Variants in GNAI2 observed in about 807,000 individuals in gnomAD.
GNAI2 encodes the protein G protein subunit alpha i2.
In GNAI2, 4 loss-of-function variants were observed where a neutral mutation model predicts 36.8. That is an observed-to-expected ratio of 0.11 (90% CI 0.05 to 0.25). GNAI2 has a LOEUF of 0.25. GNAI2 is among the 10% of genes least tolerant of loss of function. The pLI is 1.00. For missense variants in GNAI2, 230 were observed against 481.3 expected, an observed-to-expected ratio of 0.48 and a Z score of 4.89; for synonymous variants, 194 against 194.1, an observed-to-expected ratio of 1.00 and a Z score of 0.01.
rs146259462 is a variant in GNAI2 at position 50,253,062 on chromosome 3, C to T, written c.342C>T (p.Ala114=). 4.7e-5 allele frequency: 75 copies of T among 1,611,648 alleles called. No individual in the cohort carries two copies. The African/African-American group carries it at 6.4e-4, about 14-fold the overall frequency. ...ARQLFALSCT[A]EEQGVLPDDL... ...AGCTATTTGCACTGTCCTGCACCGC[C>T]GAGGAGCAAGGCGTGCTCCCTGATG... is the stretch of plus-strand genomic sequence containing the variant. The change falls in exon 4 of 9, where the codon GCC becomes GCT. Residue 114 remains alanine, a synonymous_variant. Coordinates refer to ENST00000313601, the MANE Select transcript of GNAI2 (RefSeq NM_002070.4). This position sits in a 1 kb window ranked among gnomAD's most constrained non-coding sequence, Gnocchi z 4.2.
intron 1 of GNAI2, among the ~76,000 whole-genome samples, chr3:50,251,030 C>G (rs9836046): frequency 6.6e-6 from 1 of 152,084 alleles, no homozygotes; most frequent in East Asian, 1.9e-4. Flanking sequence ...AGGCTGGTCT[C>G]GAACTCCTGA....
chr3:50,242,816 G>C lies in GNAI2; in HGVS notation c.118+6363G>C, dbSNP rs1200800730. Among the ~76,000 whole-genome samples, 2 of 152,240 alleles carry C rather than the reference G, an allele frequency of 1.3e-5. No individual in the cohort carries two copies. Among genetic ancestry groups the C allele is most frequent in the African/African-American group, 4.8e-5 (2 of 41,458 alleles). On this transcript the variant is annotated intron_variant, in intron 1 of 8. Coordinates refer to ENST00000313601, the MANE Select transcript of GNAI2 (RefSeq NM_002070.4). This position sits in a 1 kb window ranked among gnomAD's most constrained non-coding sequence, Gnocchi z 4.8. ...GTCATCTCAGCCTTGTTGGGGAGAA[G>C]ATATCCTTATGGCTTGGAGGAATCT...
intron 5 of GNAI2, 55 bp from the exon 6 acceptor site, chr3:50,256,668 G>A (rs1203350975): frequency 6.3e-6 from 10 of 1,597,530 alleles, no homozygotes; most frequent in African/African-American, 1.3e-5. Flanking sequence ...GAGAAATGGG[G>A]TAGAAAGCCT....
Position 50,236,302 on chromosome 3 carries a change from G to GGGCCGGGCGGC in GNAI2, c.-25_-15dup. The GGGCCGGGCGGC allele has an allele frequency of 7.5e-7, 1 of 1,334,078 alleles. No individual in the cohort carries two copies. The highest frequency in any genetic ancestry group is 9.6e-7 in the Non-Finnish European group (1 of 1,044,016). 82.6% of individuals were successfully genotyped at this position (1,334,078 alleles called of 1,614,324 possible). Reference sequence around the variant, plus strand: ...CCGAGCCGGGCCGTGGGCCGTGTGGGGGCCGGGCGGCGGCCGGGCCGGCGG... The same window carrying GGGCCGGGCGGC: ...CCGAGCCGGGCCGTGGGCCGTGTGGGGGCCGGGCGGCGGCCGGGCGGCGGCCGGGCCGGCGG... On this transcript the variant is annotated 5_prime_UTR_variant, in exon 1 of 9. Transcript: ENST00000313601. This position sits in a 1 kb window ranked among gnomAD's most constrained non-coding sequence, Gnocchi z 4.0.
In GNAI2 at chr3:50,242,708, G is replaced by A. The variant is rs1304481359; in HGVS notation, c.118+6255G>A. The stretch of plus-strand genomic sequence containing the variant: ...GAATAACCAAACATTTGCTGGGCTG[G>A]TTCTTCTGTGCCGGCCTCTGTGCAC... On this transcript the variant is annotated intron_variant, in intron 1 of 8. Coordinates refer to ENST00000313601, the MANE Select transcript of GNAI2 (RefSeq NM_002070.4). This position sits in a 1 kb window ranked among gnomAD's most constrained non-coding sequence, Gnocchi z 4.8. Among the ~76,000 whole-genome samples, 1 of 152,200 alleles carries A rather than the reference G, an allele frequency of 6.6e-6. No individual in the cohort carries two copies. Among genetic ancestry groups the A allele is most frequent in the Non-Finnish European group, 1.5e-5 (1 of 68,028 alleles).
At chr3:50,237,154 C>T (rs1313434795) in intron 1 of GNAI2, among the ~76,000 whole-genome samples, 1 of 152,250 alleles carries the variant, frequency 6.6e-6, no homozygotes, top group African/African-American at 2.4e-5. Context: ...TCCCCAGATC[C>T]CTCCACCCTT....
rs942925725 is a variant in GNAI2 at position 50,253,560 on chromosome 3, C to T, written c.464+376C>T. Among the ~76,000 whole-genome samples, 2 of 151,972 alleles carry T rather than the reference C, an allele frequency of 1.3e-5. No homozygotes were observed. The highest frequency in any genetic ancestry group is 4.8e-5 in the African/African-American group (2 of 41,366). ...GAGATCGAGACCATCCTGGCTAACA[C>T]GGTGAAACCCCGTCTCTACTAAAAA... On this transcript the variant is annotated intron_variant, in intron 4 of 8. Coordinates refer to ENST00000313601, the MANE Select transcript of GNAI2 (RefSeq NM_002070.4). The surrounding 1 kb of genome is among the most constrained non-coding windows in gnomAD (Gnocchi z 4.2).
exon 1 of GNAI2, chr3:50,230,903 TGAAGAAACTGA>T: frequency 2.0e-6 from 2 of 985,354 alleles, no homozygotes; most frequent in Non-Finnish European, 2.4e-6. Context: ...TTCCTGAGTA[TGAAGAAACTGA>T]GATGCCCACG....
In GNAI2 at chr3:50,236,586, G is replaced by A; in HGVS notation, c.118+133G>A. The A allele has an allele frequency of 2.3e-6, 3 of 1,292,812 alleles. No homozygotes were observed. The Admixed American group carries it at 1.1e-4, about 47-fold the overall frequency. The allele number at this position is 1,292,812 out of a possible 1,614,324, so 80.1% of individuals were successfully genotyped here. Reference sequence around the variant, plus strand: ...GGACCCCACACCTGGGCCAGGACCAGGGTTGAAAACTCTAGATTGGACTAG... The same window carrying A: ...GGACCCCACACCTGGGCCAGGACCAAGGTTGAAAACTCTAGATTGGACTAG... On this transcript the variant is annotated intron_variant, in intron 1 of 8. Transcript: ENST00000313601. The surrounding 1 kb of genome is among the most constrained non-coding windows in gnomAD (Gnocchi z 4.0).
rs587670723 is a variant in GNAI2 at position 50,256,689 on chromosome 3, C to T, written c.594-34C>T. 1.1e-4 allele frequency: 171 copies of T among 1,608,342 alleles called. 5 individuals carry two copies. In the South Asian group the frequency reaches 1.8e-3, roughly 17 times the overall value. ...TGGGGTAGAAAGCCTCCCCCAGGCT[C>T]CCTTCCTGGAACTAAGGTGATCTAT... On this transcript the variant is annotated intron_variant, in intron 5 of 8. Coordinates refer to ENST00000313601, the MANE Select transcript of GNAI2 (RefSeq NM_002070.4).
rs887203280 is a variant in GNAI2, at chr3:50,253,447, T to C, written c.464+263T>C. ...TGAGTCTGATCTGTCTTGACAGTCT[T>C]CTAAAGAACATTTGCGGCCGGGCGT... On this transcript the variant is annotated intron_variant, in intron 4 of 8. Coordinates refer to ENST00000313601, the MANE Select transcript of GNAI2 (RefSeq NM_002070.4). This position sits in a 1 kb window ranked among gnomAD's most constrained non-coding sequence, Gnocchi z 4.2. Among the ~76,000 whole-genome samples the C allele has an allele frequency of 1.3e-5, 2 of 152,182 alleles. No homozygotes were observed. The highest frequency in any genetic ancestry group is 4.8e-5 in the African/African-American group (2 of 41,438).
chr3:50,240,574 G>A (rs115425584), intron 1 of GNAI2, among the ~76,000 whole-genome samples: 2,332 of 152,246 alleles, frequency 0.015, 25 homozygotes, highest in Non-Finnish European at 0.022. Context: ...GTGCCTCCCT[G>A]CAGCCACAGG....
At chr3:50,232,752 A>C (rs587627590), upstream of GNAI2, among the ~76,000 whole-genome samples, 3 of 152,068 alleles carry the variant, frequency 2.0e-5, no homozygotes, top group African/African-American at 7.2e-5. Context: ...GAAACAGGAG[A>C]GCCAAGGAAG....
rs587748332 is a variant in GNAI2, at chr3:50,244,749, G to A, written c.119-7351G>A. On this transcript the variant is annotated intron_variant, in intron 1 of 8. Coordinates refer to ENST00000313601, the MANE Select transcript of GNAI2 (RefSeq NM_002070.4). The stretch of plus-strand genomic sequence containing the variant: ...TGGGGCCTTGCCCTCTCTTGTAGGG[G>A]TTCCTAGGGGTTCTGCTGTGTTGCC... Among the ~76,000 whole-genome samples the A allele has an allele frequency of 2.0e-4, 31 of 152,320 alleles. 1 individual carries two copies. Among genetic ancestry groups the A allele is most frequent in the Admixed American group, 1.2e-3 (19 of 15,308 alleles).
At chr3:50,244,512 G>A (rs782212889) in intron 1 of GNAI2, among the ~76,000 whole-genome samples, 10 of 152,216 alleles carry the variant, frequency 6.6e-5, no homozygotes, top group African/African-American at 4.8e-5. Context: ...GAAGTCCATG[G>A]TGAGGGCCTC....
At chr3:50,256,365 C>T (rs149208832) in intron 5 of GNAI2, 45 bp downstream of exon 5, 483 of 1,593,058 alleles carry the variant, frequency 3.0e-4, no homozygotes, top group Middle Eastern at 8.3e-4. Flanking sequence ...ACCTGCCAGC[C>T]TCTGGGGTAG....
At chr3:50,244,393 G>A (rs587688027) in intron 1 of GNAI2, among the ~76,000 whole-genome samples, 11 of 152,234 alleles carry the variant, frequency 7.2e-5, no homozygotes, top group African/African-American at 2.6e-4. Context: ...TGATGCTCAA[G>A]TTATAGCTGG....
At position 50,253,691 on chromosome 3, in the gene GNAI2, C is replaced by T. The variant is rs1337217341; in HGVS notation, c.464+507C>T. Among the ~76,000 whole-genome samples the T allele has an allele frequency of 6.6e-6, 1 of 152,156 alleles. No individual in the cohort carries two copies. The highest frequency in any genetic ancestry group is 2.4e-5 in the African/African-American group (1 of 41,422). ...CCTGGGAGGTGGAGCTTGCAGTGAG[C>T]GGAGATTGCGCCACTGCACTCTAGC... On this transcript the variant is annotated intron_variant, in intron 4 of 8. Transcript: ENST00000313601. This position sits in a 1 kb window ranked among gnomAD's most constrained non-coding sequence, Gnocchi z 4.2.
chr3:50,247,830 T>C (rs1227434804), intron 1 of GNAI2, among the ~76,000 whole-genome samples: 1 of 152,262 alleles, frequency 6.6e-6, no homozygotes, highest in African/African-American at 2.4e-5. Flanking sequence ...CAGGCCTCTC[T>C]GGTCTTACCC....
Sources: allele counts gnomAD v4.1 joint callset (sites outside exome capture counted in the v4.1 genomes callset), GRCh38; gene constraint gnomAD v4.1.1; non-coding constraint Gnocchi (gnomAD v3.1); transcripts MANE v1.5; gene names NCBI Gene and HGNC (gene_info 2026-07-23, HGNC 2026-07-21).